The following IMMP2L variants were observed in gnomAD, a reference collection of about 807,000 sequenced individuals.
The protein encoded by IMMP2L is inner mitochondrial membrane peptidase subunit 2, also known as mitochondrial inner membrane protease subunit 2.
In IMMP2L, 18 loss-of-function variants were observed where a neutral mutation model predicts 19.3. The ratio of observed to expected loss-of-function variants is 0.93; its 90% CI spans 0.64 to 1.38. IMMP2L has a LOEUF of 1.38. Ranked by LOEUF, IMMP2L falls within the 40% of genes most tolerant of loss-of-function variation. The pLI, the probability that IMMP2L is intolerant of heterozygous loss-of-function variation, is 0.00. For missense variants in IMMP2L, 233 were observed against 218.2 expected (o/e 1.07, Z -0.43); for synonymous variants, 76 against 73.0 (o/e 1.04, Z -0.21).
intron 3 of IMMP2L, among the ~76,000 whole-genome samples, chr7:111,084,245 A>G (rs1197007443): frequency 6.6e-6 from 1 of 151,766 alleles, no homozygotes; most frequent in East Asian, 1.9e-4. Flanking sequence ...TATGAGGCAC[A>G]AGATCCAAAG....
intron 4 of IMMP2L, among the ~76,000 whole-genome samples, chr7:110,934,351 A>C (rs1815844457): frequency 6.6e-6 from 1 of 152,176 alleles, no homozygotes; most frequent in Non-Finnish European, 1.5e-5. Flanking sequence ...GATGTCTATA[A>C]GGTCCACTTG....
chr7:110,838,739 G>A (rs77410116), intron 5 of IMMP2L, among the ~76,000 whole-genome samples: 1,750 of 152,124 alleles, frequency 0.012, 37 homozygotes, highest in African/African-American at 0.039. Context: ...CCAGTTTCAG[G>A]TATTCTGCTA....
At chr7:110,675,685 A>AAGTTTTAAATAAAACTTAC (rs1237310158) in intron 5 of IMMP2L, among the ~76,000 whole-genome samples, 87 of 152,364 alleles carry the variant, frequency 5.7e-4, no homozygotes, top group Admixed American at 2.9e-3. Flanking sequence ...GCTTTAAAAT[A>AAGTTTTAAATAAAACTTAC]AGTTTTAAAT....
At chr7:110,733,301 T>C (rs1796395640) in intron 5 of IMMP2L, among the ~76,000 whole-genome samples, 1 of 152,174 alleles carries the variant, frequency 6.6e-6, no homozygotes, top group Non-Finnish European at 1.5e-5. Flanking sequence ...TTATCACATG[T>C]AGAATTTATG....
rs1335338524 is a variant in IMMP2L at position 111,468,295 on chromosome 7, A to G, written c.239+18943T>C. Among the ~76,000 whole-genome samples, 3 of 152,272 alleles carry G rather than the reference A, an allele frequency of 2.0e-5. No individual in the cohort carries two copies. In the East Asian group the frequency reaches 5.8e-4, roughly 29 times the overall value. ...TGGATGTTATTAACCCTTGCTTCCC[A>G]ACAACTAAAATATCCACACAGGGAT... On this transcript the variant is annotated intron_variant, in intron 3 of 5. Coordinates refer to ENST00000405709, the MANE Select transcript of IMMP2L (RefSeq NM_032549.4).
At chr7:110,910,592 T>C (rs909453694) in intron 4 of IMMP2L, among the ~76,000 whole-genome samples, 1 of 152,150 alleles carries the variant, frequency 6.6e-6, no homozygotes, top group African/African-American at 2.4e-5. Flanking sequence ...TATTATTACA[T>C]GTTAGTCACT....
At chr7:111,006,656 G>A (rs189754909) in intron 3 of IMMP2L, among the ~76,000 whole-genome samples, 1 of 152,230 alleles carries the variant, frequency 6.6e-6, no homozygotes, top group African/African-American at 2.4e-5. Flanking sequence ...GCTGTTGCCA[G>A]TTGCTTCTAG....
chr7:111,007,820 G>C (rs976313714), intron 3 of IMMP2L, among the ~76,000 whole-genome samples: 2 of 151,908 alleles, frequency 1.3e-5, no homozygotes, highest in African/African-American at 4.8e-5. Context: ...ATCTCCACTT[G>C]GCTGTGTCAT....
chr7:111,114,591 C>A (rs1335257839), intron 3 of IMMP2L, among the ~76,000 whole-genome samples: 1 of 151,790 alleles, frequency 6.6e-6, no homozygotes, highest in Non-Finnish European at 1.5e-5. Context: ...CAAACATTCG[C>A]TGGGTGTGGT....
chr7:111,470,641 G>A (rs1476183510), intron 3 of IMMP2L, among the ~76,000 whole-genome samples: 100 of 144,522 alleles, frequency 6.9e-4, no homozygotes, highest in African/African-American at 1.9e-3. Context: ...ACCAAACACC[G>A]CATGTTCTCA....
intron 3 of IMMP2L, among the ~76,000 whole-genome samples, chr7:111,447,731 C>T (rs957563784): frequency 6.6e-6 from 1 of 151,344 alleles, no homozygotes; most frequent in African/African-American, 2.4e-5. Context: ...TGTAAATGGA[C>T]TAAATTCTCC....
chr7:111,343,594 G>A (rs1309031560), intron 3 of IMMP2L, among the ~76,000 whole-genome samples: 1 of 152,088 alleles, frequency 6.6e-6, no homozygotes, highest in Non-Finnish European at 1.5e-5. Context: ...CAGCAAGAGA[G>A]GGACCATTTC....
At chr7:111,496,834 C>A (rs896650693) in intron 2 of IMMP2L, among the ~76,000 whole-genome samples, 2 of 152,058 alleles carry the variant, frequency 1.3e-5, no homozygotes, top group African/African-American at 4.8e-5. Context: ...TATAATGAAA[C>A]TTCTTAGCCT....
intron 5 of IMMP2L, among the ~76,000 whole-genome samples, chr7:110,686,063 C>A (rs1793088325): frequency 6.6e-6 from 1 of 152,080 alleles, no homozygotes; most frequent in Admixed American, 6.6e-5. Flanking sequence ...CTGACTCATT[C>A]CTTAAACCTT....
chr7:110,836,934 T>C (rs1218804254), intron 5 of IMMP2L, among the ~76,000 whole-genome samples: 1 of 152,150 alleles, frequency 6.6e-6, no homozygotes, highest in Non-Finnish European at 1.5e-5. Context: ...TACCACAACC[T>C]TTCTGAAAAG....
intron 5 of IMMP2L, among the ~76,000 whole-genome samples, chr7:110,844,791 C>G (rs971817648): frequency 2.0e-5 from 3 of 151,876 alleles, no homozygotes; most frequent in African/African-American, 7.3e-5. Flanking sequence ...TCTCCCAACT[C>G]CACATTTCCA....
At chr7:110,954,401 T>A (rs2129554547) in intron 4 of IMMP2L, among the ~76,000 whole-genome samples, 1 of 152,246 alleles carries the variant, frequency 6.6e-6, no homozygotes, top group African/African-American at 2.4e-5. Context: ...CTTTGGCTTT[T>A]AATATTTATA....
intron 5 of IMMP2L, among the ~76,000 whole-genome samples, chr7:110,673,064 G>A (rs906776192): frequency 6.6e-6 from 1 of 152,210 alleles, no homozygotes; most frequent in Non-Finnish European, 1.5e-5. Flanking sequence ...GGCTCTTCAT[G>A]AGAGCTCCCC....
intron 3 of IMMP2L, among the ~76,000 whole-genome samples, chr7:111,251,015 G>A (rs1194826898): frequency 6.6e-6 from 1 of 152,062 alleles, no homozygotes; most frequent in East Asian, 1.9e-4. Flanking sequence ...TCCGACAAAG[G>A]TCTAATATTC....
Sources: allele counts gnomAD v4.1 joint callset (sites outside exome capture counted in the v4.1 genomes callset), GRCh38; gene constraint gnomAD v4.1.1; transcripts MANE v1.5; gene names NCBI Gene and HGNC (gene_info 2026-07-23, HGNC 2026-07-21).